The following WWOX variants were observed in gnomAD, a reference collection of about 807,000 sequenced individuals.
WWOX encodes WW domain-containing oxidoreductase.
WWOX carries 69 observed loss-of-function variants against 46.2 expected under a neutral mutation model. The ratio of observed to expected loss-of-function variants is 1.49; its 90% CI spans 1.23 to 1.82. The LOEUF is 1.82. WWOX is among the 40% of genes most tolerant of loss of function. The probability of loss-of-function intolerance (pLI) is 0.00; values close to 1 mark genes in which losing one functional copy is unlikely to be tolerated. For synonymous variants in WWOX, 359 were observed against 202.6 expected (o/e 1.77, Z -6.56); for missense variants, 919 against 542.6 (o/e 1.69, Z -6.89).
At chr16:78,558,973 C>G (rs890605190) in intron 8 of WWOX, among the ~76,000 whole-genome samples, 8 of 152,208 alleles carry the variant, frequency 5.3e-5, no homozygotes, top group African/African-American at 1.9e-4. Flanking sequence ...CTATTCCAGG[C>G]TGTCAGCTCC....
At chr16:78,131,172 C>T (rs1340816981) in intron 4 of WWOX, among the ~76,000 whole-genome samples, 7 of 152,206 alleles carry the variant, frequency 4.6e-5, no homozygotes, top group Admixed American at 6.5e-5. Flanking sequence ...CAGTGTGTGA[C>T]TGTACCAGCA....
intron 8 of WWOX, among the ~76,000 whole-genome samples, chr16:78,867,605 A>G (rs184546834): frequency 4.0e-5 from 6 of 151,646 alleles, no homozygotes; most frequent in Admixed American, 3.3e-4. Context: ...CCTTGGTGCA[A>G]TCTCAGTTCA....
intron 8 of WWOX, among the ~76,000 whole-genome samples, chr16:78,480,445 T>C (rs997395538): frequency 1.3e-5 from 2 of 152,352 alleles, no homozygotes; most frequent in African/African-American, 4.8e-5. Context: ...TTTAAGTGTT[T>C]TGCATATATT....
chr16:78,476,286 C>G (rs887740935), intron 8 of WWOX, among the ~76,000 whole-genome samples: 3 of 152,170 alleles, frequency 2.0e-5, no homozygotes, highest in Non-Finnish European at 2.9e-5. Context: ...TGAGAAGTGT[C>G]TGATCATATC....
intron 8 of WWOX, among the ~76,000 whole-genome samples, chr16:79,042,912 C>T (rs780879005): frequency 5.9e-5 from 9 of 152,116 alleles, no homozygotes; most frequent in South Asian, 2.1e-4. Context: ...TTAAGTGATG[C>T]GTCAGAATTT....
intron 8 of WWOX, among the ~76,000 whole-genome samples, chr16:78,696,131 G>T (rs1205466067): frequency 6.6e-6 from 1 of 152,142 alleles, no homozygotes; most frequent in Non-Finnish European, 1.5e-5. Flanking sequence ...AGCCACTAGG[G>T]GTGGGAATCA....
At chr16:78,263,621 GAGAA>G (rs56974893) in intron 5 of WWOX, among the ~76,000 whole-genome samples, 8,672 of 151,212 alleles carry the variant, frequency 0.057, 345 homozygotes, top group East Asian at 0.18. Context: ...TGTCAACAGA[GAGAA>G]AGAGAGAGAG....
intron 8 of WWOX, among the ~76,000 whole-genome samples, chr16:79,092,451 C>A (rs373758243): frequency 2.6e-5 from 4 of 152,054 alleles, no homozygotes; most frequent in East Asian, 1.9e-4. Context: ...GGATGTGCAC[C>A]CTTGCTCATC....
At chr16:78,923,675 G>C (rs2045431004) in intron 8 of WWOX, among the ~76,000 whole-genome samples, 1 of 151,656 alleles carries the variant, frequency 6.6e-6, no homozygotes, top group African/African-American at 2.4e-5. Context: ...GAAAAAATTA[G>C]TCGTGTGAAC....
chr16:78,420,579 AGGACAGAAAGTACACTGATGG>A (rs1356375048), intron 6 of WWOX, among the ~76,000 whole-genome samples: 6 of 151,976 alleles, frequency 3.9e-5, no homozygotes, highest in Non-Finnish European at 1.5e-5. Context: ...GCGAATCTAT[AGGACAGAAAGTACACTGATGG>A]TGTTTTGGGA....
chr16:79,091,765 C>G (rs180704757), intron 8 of WWOX, among the ~76,000 whole-genome samples: 37 of 137,222 alleles, frequency 2.7e-4, no homozygotes, highest in African/African-American at 1.0e-3. Flanking sequence ...GCATCTTTTT[C>G]TTTTCTTTTC....
chr16:78,559,026 T>C (rs1416108710), intron 8 of WWOX, among the ~76,000 whole-genome samples: 1 of 152,174 alleles, frequency 6.6e-6, no homozygotes, highest in African/African-American at 2.4e-5. Context: ...ATCCACGGCA[T>C]CCACACAAGA....
In WWOX at chr16:78,961,291, G is replaced by T. The variant is rs202201894; in HGVS notation, c.1057-250317G>T. ...ACATGATAGTTATATATGAACTGAT[G>T]ATTATATAATTGAACATGCCTAAAT... is the stretch of plus-strand genomic sequence containing the variant. On this transcript the variant is annotated intron_variant, in intron 8 of 8. Coordinates refer to ENST00000566780, the MANE Select transcript of WWOX (RefSeq NM_016373.4). Among the ~76,000 whole-genome samples the T allele has an allele frequency of 4.6e-5, 7 of 152,334 alleles. No homozygotes were observed. The East Asian group carries it at 1.4e-3, about 29-fold the overall frequency.
chr16:78,400,766 G>C (rs560002575), intron 6 of WWOX, among the ~76,000 whole-genome samples: 1 of 152,142 alleles, frequency 6.6e-6, no homozygotes, highest in African/African-American at 2.4e-5. Context: ...CATTAAATTT[G>C]TATCAATGAA....
At chr16:78,538,422 G>T (rs929762384) in intron 8 of WWOX, among the ~76,000 whole-genome samples, 13 of 152,070 alleles carry the variant, frequency 8.5e-5, no homozygotes, top group Non-Finnish European at 1.5e-5. Flanking sequence ...GCAAGTTGAG[G>T]CCTGGTGTAT....
intron 8 of WWOX, among the ~76,000 whole-genome samples, chr16:79,125,105 A>T (rs2049723448): frequency 1.3e-5 from 2 of 150,620 alleles, no homozygotes; most frequent in South Asian, 2.1e-4. Context: ...CCTGCTAGAG[A>T]CTGCCCATCC....
At chr16:78,112,656 T>C (rs1318127170) in intron 3 of WWOX, among the ~76,000 whole-genome samples, 2 of 151,534 alleles carry the variant, frequency 1.3e-5, no homozygotes, top group Admixed American at 6.6e-5. Flanking sequence ...ATTGGTTGTA[T>C]GTTGAAAATG....
chr16:78,546,964 A>G (rs1290065011), intron 8 of WWOX, among the ~76,000 whole-genome samples: 1 of 151,634 alleles, frequency 6.6e-6, no homozygotes, highest in Non-Finnish European at 1.5e-5. Context: ...CTACCTCTAC[A>G]AAAAATAGAA....
chr16:78,406,036 T>A (rs537364980), intron 6 of WWOX, among the ~76,000 whole-genome samples: 4 of 152,082 alleles, frequency 2.6e-5, no homozygotes, highest in Non-Finnish European at 4.4e-5. Context: ...ATAGAATGAC[T>A]AACATTTTCT....
Sources: gnomAD v4.1 joint callset for allele counts (sites outside exome capture counted in the v4.1 genomes callset) on GRCh38, gnomAD v4.1.1 for gene constraint, MANE v1.5 for transcripts, NCBI Gene and HGNC (gene_info 2026-07-23, HGNC 2026-07-21) for gene names.